NCBP2L: variants seen among roughly 807,000 people sequenced by gnomAD.
The protein encoded by NCBP2L is nuclear cap-binding protein subunit 2-like.
For missense variants in NCBP2L, 95 were observed against 53.1 expected (o/e 1.79, Z -2.45); for synonymous variants, 39 against 19.2 (o/e 2.04, Z -2.70).
At chrX:107,787,050 C>T (rs762632959) in intron 1 of NCBP2L, among the ~76,000 whole-genome samples, 3 of 111,565 alleles carry the variant, frequency 2.7e-5, no homozygotes, top group South Asian at 7.5e-4. Context: ...AAACCACATA[C>T]GTCAGTGCTT....
intron 1 of NCBP2L, 129 bp from the exon 2 acceptor site, chrX:107,794,020 C>A (rs1930484925): frequency 2.9e-6 from 1 of 347,339 alleles, no homozygotes; most frequent in Non-Finnish European, 5.0e-6. Flanking sequence ...TTTTAGTGTG[C>A]CTTGACATGA....
intron 1 of NCBP2L, among the ~76,000 whole-genome samples, chrX:107,779,751 T>A (rs1930241889): frequency 1.1e-5 from 1 of 87,267 alleles, no homozygotes; most frequent in Admixed American, 1.3e-4. Context: ...TTTTTTTTTT[T>A]TTTTTTTTTT....
intron 1 of NCBP2L, among the ~76,000 whole-genome samples, chrX:107,778,204 T>C (rs547633137): frequency 2.7e-5 from 3 of 112,166 alleles, no homozygotes; most frequent in African/African-American, 9.7e-5. Flanking sequence ...AATGTTTATT[T>C]AAGTTGTGTT....
chrX:107,787,355 C>A (rs139999095), intron 1 of NCBP2L, among the ~76,000 whole-genome samples: 11 of 112,109 alleles, frequency 9.8e-5, no homozygotes, highest in African/African-American at 3.6e-4. Context: ...CCATTGTCTC[C>A]GCTTTAGTTC....
chrX:107,793,000 G>T (rs1172903410), intron 1 of NCBP2L, among the ~76,000 whole-genome samples: 2 of 112,225 alleles, frequency 1.8e-5, no homozygotes, highest in African/African-American at 3.2e-5. Flanking sequence ...AATATTTATT[G>T]TGTGTCTAAG....
intron 1 of NCBP2L, among the ~76,000 whole-genome samples, chrX:107,789,419 C>T (rs893831739): frequency 2.7e-5 from 3 of 110,524 alleles, no homozygotes; most frequent in East Asian, 2.8e-4. Flanking sequence ...AATTTTCCTT[C>T]GCCTCTATCC....
intron 1 of NCBP2L, among the ~76,000 whole-genome samples, chrX:107,782,143 A>G (rs1421086771): frequency 1.4e-5 from 1 of 73,504 alleles, no homozygotes; most frequent in Non-Finnish European, 2.5e-5. Context: ...GAAATTGTAT[A>G]TATTTAAGGT....
intron 1 of NCBP2L, among the ~76,000 whole-genome samples, chrX:107,791,215 C>T (rs1320541244): frequency 2.7e-5 from 3 of 111,157 alleles, no homozygotes; most frequent in East Asian, 2.8e-4. Context: ...CCTTTTGCCA[C>T]GTGTTGAGCT....
At chrX:107,790,868 C>T (rs1056435887) in intron 1 of NCBP2L, among the ~76,000 whole-genome samples, 4 of 111,920 alleles carry the variant, frequency 3.6e-5, no homozygotes, top group Admixed American at 2.9e-4. Flanking sequence ...GGAATCAGGT[C>T]CTTTAGAAAG....
intron 1 of NCBP2L, among the ~76,000 whole-genome samples, chrX:107,790,587 G>A (rs1231322289): frequency 4.5e-5 from 5 of 110,493 alleles, no homozygotes; most frequent in Admixed American, 9.7e-5. Flanking sequence ...CCCCCATCAC[G>A]CCTTCATGCC....
chrX:107,787,448 T>C (rs1345356277), intron 1 of NCBP2L, among the ~76,000 whole-genome samples: 1 of 112,084 alleles, frequency 8.9e-6, no homozygotes, highest in Admixed American at 9.5e-5. Context: ...GGTACATGGA[T>C]ATATTGCAGA....
chrX:107,781,216 C>CT (rs752190503), intron 1 of NCBP2L, among the ~76,000 whole-genome samples: 2,432 of 89,723 alleles, frequency 0.027, 78 homozygotes, highest in African/African-American at 0.076. Context: ...TGAAGGCCGG[C>CT]TTTTTTTTTT....
intron 1 of NCBP2L, among the ~76,000 whole-genome samples, chrX:107,779,674 C>T (rs1930239717): frequency 2.7e-5 from 3 of 110,483 alleles, no homozygotes; most frequent in Non-Finnish European, 3.8e-5. Context: ...GTGATCCACC[C>T]GCTTCGGCCT....
intron 1 of NCBP2L, among the ~76,000 whole-genome samples, chrX:107,784,786 C>G (rs1450986859): frequency 1.3e-5 from 1 of 75,279 alleles, no homozygotes. Flanking sequence ...GCCTGGGCAA[C>G]ATGGCAAAAC....
intron 1 of NCBP2L, among the ~76,000 whole-genome samples, chrX:107,781,715 TATAG>T: frequency 1.1e-5 from 1 of 91,985 alleles, no homozygotes; most frequent in South Asian, 5.0e-4. Flanking sequence ...TATATAGATC[TATAG>T]ATATCTATAG....
intron 1 of NCBP2L, among the ~76,000 whole-genome samples, chrX:107,781,768 CTATATATATAGATCTA>C (rs1569457144): frequency 1.5e-5 from 1 of 65,466 alleles, no homozygotes; most frequent in African/African-American, 6.9e-5. Context: ...CTATAGATAT[CTATATATATAGATCTA>C]TAGATATCTA....
chrX:107,782,286 AAT>A lies in NCBP2L; in HGVS notation c.-73+4440_-73+4441del, dbSNP rs1387676234. Among the ~76,000 whole-genome samples the A allele has an allele frequency of 1.2e-3, 25 of 21,061 alleles. 1 individual carries two copies. The highest frequency in any genetic ancestry group is 6.1e-3 in the East Asian group (4 of 653). 18.3% of individuals were successfully genotyped at this position (21,061 alleles called of 115,157 possible). ...AAATATATATATATAAATATATATA[AAT>A]ATATATATATAAATATATATATAAA... On this transcript the variant is annotated intron_variant, in intron 1 of 1. Coordinates refer to ENST00000509000, the MANE Select transcript of NCBP2L (RefSeq NM_001348372.2).
intron 1 of NCBP2L, among the ~76,000 whole-genome samples, chrX:107,782,196 AATATATATATATAAATATATATAT>A (rs1930305228): frequency 5.1e-5 from 1 of 19,563 alleles, no homozygotes; most frequent in African/African-American, 3.1e-4. Flanking sequence ...TATATATATA[AATATATATATATAAATATATATAT>A]AAATATATAT....
At chrX:107,779,844 C>T (rs1303603315) in intron 1 of NCBP2L, among the ~76,000 whole-genome samples, 2 of 102,794 alleles carry the variant, frequency 1.9e-5, no homozygotes, top group African/African-American at 3.7e-5. Flanking sequence ...CCCGGGTTCA[C>T]GCCATTCTCC....
Sources: gnomAD v4.1 joint callset for allele counts (sites outside exome capture counted in the v4.1 genomes callset) on GRCh38, gnomAD v4.1.1 for gene constraint, MANE v1.5 for transcripts, NCBI Gene and HGNC (gene_info 2026-07-23, HGNC 2026-07-21) for gene names.